The following SGPP2 variants were observed in gnomAD, a reference collection of about 807,000 sequenced individuals.
SGPP2 encodes sphingosine-1-phosphate phosphatase 2, also known as sphingosine 1-phosphate phosphohydrolase 2.
Under a neutral mutation model 33.9 loss-of-function variants are expected in SGPP2, and 30 were observed. The observed-to-expected ratio is 0.89, with a 90% CI of 0.66 to 1.20. The LOEUF (loss-of-function observed/expected upper bound fraction) is 1.20, where lower values mean the gene tolerates loss of function less well. SGPP2 is among the 50% of genes most tolerant of loss of function. SGPP2 has a pLI of 0.00. For missense variants in SGPP2, 458 were observed against 532.1 expected, an observed-to-expected ratio of 0.86 and a Z score of 1.37; for synonymous variants, 233 against 225.0, an observed-to-expected ratio of 1.04 and a Z score of -0.32.
chr2:222,529,960 G>A (rs1454648463), intron 4 of SGPP2, among the ~76,000 whole-genome samples: 1 of 152,236 alleles, frequency 6.6e-6, no homozygotes, highest in East Asian at 1.9e-4. Context: ...AATGGATGGT[G>A]TGTTTAGCAG....
rs917355122 is a variant in SGPP2, at chr2:222,477,455, G to A, written c.378+2729G>A. ...TATGTGTGAATGTATGTATATAGGT[G>A]TGTATATATGTGTATGCATGTGTGT... On this transcript the variant is annotated intron_variant, in intron 2 of 4. Transcript: ENST00000321276. The surrounding 1 kb of genome is among the most constrained non-coding windows in gnomAD (Gnocchi z 6.0). Among the ~76,000 whole-genome samples the A allele has an allele frequency of 2.6e-5, 4 of 151,796 alleles. No individual in the cohort carries two copies. The highest frequency in any genetic ancestry group is 5.9e-5 in the Non-Finnish European group (4 of 67,896).
chr2:222,431,280 G>A (rs1281217414), intron 1 of SGPP2, among the ~76,000 whole-genome samples: 6 of 151,814 alleles, frequency 4.0e-5, no homozygotes, highest in East Asian at 3.9e-4. Flanking sequence ...CAAGGAAGTC[G>A]GATCACTTGA....
intron 4 of SGPP2, among the ~76,000 whole-genome samples, chr2:222,530,402 G>A (rs183164243): frequency 1.7e-4 from 26 of 152,338 alleles, no homozygotes; most frequent in African/African-American, 4.8e-4. Flanking sequence ...GTTGTGTAAC[G>A]TAGCCACCTT....
intron 2 of SGPP2, among the ~76,000 whole-genome samples, chr2:222,475,120 TA>T (rs35199807): frequency 1.3e-5 from 2 of 152,240 alleles, no homozygotes; most frequent in East Asian, 3.9e-4. Context: ...TAAACTAAAC[TA>T]AAAGCCAAGG....
intron 4 of SGPP2, among the ~76,000 whole-genome samples, chr2:222,544,755 T>G (rs1019952211): frequency 3.9e-5 from 6 of 152,280 alleles, no homozygotes; most frequent in Non-Finnish European, 8.8e-5. Flanking sequence ...AATATAGCTC[T>G]GTTATTCTGG....
chr2:222,493,555 C>G (rs534714416), intron 2 of SGPP2, among the ~76,000 whole-genome samples: 3 of 152,316 alleles, frequency 2.0e-5, no homozygotes, highest in South Asian at 4.1e-4. Context: ...AGGCTGGTCT[C>G]TCACTCCTAG....
At chr2:222,497,693 G>T (rs115529078) in intron 2 of SGPP2, among the ~76,000 whole-genome samples, 307 of 152,312 alleles carry the variant, frequency 2.0e-3, no homozygotes, top group African/African-American at 7.1e-3. Flanking sequence ...ATGTCAAGTG[G>T]TACAGATTAA....
chr2:222,480,555 A>T (rs1408031966), intron 2 of SGPP2, among the ~76,000 whole-genome samples: 1 of 152,218 alleles, frequency 6.6e-6, no homozygotes, highest in Non-Finnish European at 1.5e-5. Flanking sequence ...TGACCGACCA[A>T]AATGAAGTTA....
chr2:222,475,835 G>A (rs1697925268), intron 2 of SGPP2, among the ~76,000 whole-genome samples: 1 of 152,164 alleles, frequency 6.6e-6, no homozygotes, highest in Non-Finnish European at 1.5e-5. Context: ...TACAGTCCAG[G>A]CCCCATCTGT....
intron 1 of SGPP2, among the ~76,000 whole-genome samples, chr2:222,455,148 T>C (rs1697552352): frequency 6.6e-6 from 1 of 151,878 alleles, no homozygotes. Context: ...GGCGGGAGGA[T>C]TGCTTGACCC....
At chr2:222,455,052 T>C (rs1220172806) in intron 1 of SGPP2, among the ~76,000 whole-genome samples, 1 of 151,852 alleles carries the variant, frequency 6.6e-6, no homozygotes, top group Non-Finnish European at 1.5e-5. Flanking sequence ...CTAGTTTAGA[T>C]GAAAAAAACT....
chr2:222,557,383 T>C (rs1182171359), intron 4 of SGPP2, among the ~76,000 whole-genome samples: 1 of 152,208 alleles, frequency 6.6e-6, no homozygotes. Flanking sequence ...TTAGTGATTA[T>C]TTCTAAGATC....
Position 222,455,533 on chromosome 2 carries a change from G to A in SGPP2, c.220-19035G>A, listed in dbSNP as rs1003840718. ...GAGCAGAGGTCAGATCTCAGTCCTT[G>A]ACCATGGCTGTGCTTTGGGACTTTA... On this transcript the variant is annotated intron_variant, in intron 1 of 4. Transcript: ENST00000321276. Among the ~76,000 whole-genome samples the A allele has an allele frequency of 2.6e-5, 4 of 152,336 alleles. 1 individual carries two copies. Among genetic ancestry groups the A allele is most frequent in the Non-Finnish European group, 2.9e-5 (2 of 68,034 alleles).
Position 222,460,409 on chromosome 2 carries a change from C to G in SGPP2, c.220-14159C>G, listed in dbSNP as rs747281299. Among the ~76,000 whole-genome samples the G allele has an allele frequency of 1.7e-4, 26 of 152,114 alleles. No homozygotes were observed. Among genetic ancestry groups the G allele is most frequent in the Non-Finnish European group, 3.5e-4 (24 of 68,016 alleles). On this transcript the variant is annotated intron_variant, in intron 1 of 4. Transcript: ENST00000321276. The surrounding 1 kb of genome is among the most constrained non-coding windows in gnomAD (Gnocchi z 4.3). ...CAGAGGCTGGGTTGTGTATAAAACC[C>G]CTGAGAACACGACATAAGCGGTTGA...
intron 2 of SGPP2, among the ~76,000 whole-genome samples, chr2:222,510,671 C>G (rs1698513570): frequency 6.6e-6 from 1 of 152,070 alleles, no homozygotes; most frequent in Non-Finnish European, 1.5e-5. Context: ...TCTTGGTGCT[C>G]CGTTCATCCT....
At chr2:222,443,721 G>A (rs74394518) in intron 1 of SGPP2, among the ~76,000 whole-genome samples, 1 of 152,092 alleles carries the variant, frequency 6.6e-6, no homozygotes, top group Admixed American at 6.5e-5. Flanking sequence ...AGGGATCTTG[G>A]CTATAGTGAG....
chr2:222,541,953 A>G (rs1699005002), intron 4 of SGPP2, among the ~76,000 whole-genome samples: 1 of 152,212 alleles, frequency 6.6e-6, no homozygotes, highest in Non-Finnish European at 1.5e-5. Flanking sequence ...TGGTGTGCAT[A>G]GAGAAAAGTA....
chr2:222,477,784 C>G lies in SGPP2; in HGVS notation c.378+3058C>G, dbSNP rs1245984840. ...CTCTAGACTCTATAGAAGGCTGTGG[C>G]TAGGGGACACTCTCGTTGCCATTAT... On this transcript the variant is annotated intron_variant, in intron 2 of 4. Transcript: ENST00000321276. The surrounding 1 kb of genome is among the most constrained non-coding windows in gnomAD (Gnocchi z 6.0). Among the ~76,000 whole-genome samples the G allele has an allele frequency of 6.6e-6, 1 of 152,084 alleles. No homozygotes were observed. The highest frequency in any genetic ancestry group is 1.5e-5 in the Non-Finnish European group (1 of 68,032).
intron 4 of SGPP2, among the ~76,000 whole-genome samples, chr2:222,536,199 A>G (rs182551869): frequency 1.8e-4 from 27 of 152,362 alleles, no homozygotes; most frequent in African/African-American, 4.8e-5. Context: ...AAGTTTTTCC[A>G]TAGCTTATAA....
Sources: gnomAD v4.1 joint callset for allele counts (sites outside exome capture counted in the v4.1 genomes callset) on GRCh38, gnomAD v4.1.1 for gene constraint, Gnocchi (gnomAD v3.1) non-coding constraint, MANE v1.5 for transcripts, NCBI Gene and HGNC (gene_info 2026-07-23, HGNC 2026-07-21) for gene names.